Variants in LRP1B observed in about 807,000 individuals in gnomAD.
The protein encoded by LRP1B is LDL receptor related protein 1B.
In LRP1B, 217 loss-of-function variants were observed where a neutral mutation model predicts 556.6. That is an observed-to-expected ratio of 0.39 (90% CI 0.35 to 0.44). The LOEUF (loss-of-function observed/expected upper bound fraction) is 0.44, where lower values mean the gene tolerates loss of function less well. LRP1B is among the 20% of genes least tolerant of loss of function. The probability of loss-of-function intolerance (pLI) is 1.00; values close to 1 mark genes in which losing one functional copy is unlikely to be tolerated. For missense variants in LRP1B, 5,053 were observed against 5,620.8 expected, an observed-to-expected ratio of 0.90 and a Z score of 3.23; for synonymous variants, 2,047 against 1,865.8, an observed-to-expected ratio of 1.10 and a Z score of -2.50.
At chr2:140,723,244 G>A (rs1687478143) in intron 35 of LRP1B, among the ~76,000 whole-genome samples, 1 of 152,036 alleles carries the variant, frequency 6.6e-6, no homozygotes, top group Non-Finnish European at 1.5e-5. Context: ...CCTTTGGTCT[G>A]AGAATCTGGG....
chr2:140,318,184 A>G (rs1684612968), intron 82 of LRP1B, among the ~76,000 whole-genome samples: 1 of 152,154 alleles, frequency 6.6e-6, no homozygotes. Flanking sequence ...AAAAAAAATA[A>G]CTAGCATTTA....
chr2:141,211,577 ATTGCACTCTAGC>A (rs1167578626), intron 6 of LRP1B, among the ~76,000 whole-genome samples: 4 of 152,134 alleles, frequency 2.6e-5, no homozygotes, highest in Admixed American at 2.6e-4. Flanking sequence ...AGATCCGGCC[ATTGCACTCTAGC>A]CTGGGAGACA....
intron 86 of LRP1B, among the ~76,000 whole-genome samples, chr2:140,248,593 T>G (rs1558924522): frequency 6.6e-6 from 1 of 151,618 alleles, no homozygotes; most frequent in Non-Finnish European, 1.5e-5. Flanking sequence ...TTGTCTGTAT[T>G]AATAGAGTTA....
At chr2:141,659,825 A>G (rs1273519064) in intron 2 of LRP1B, among the ~76,000 whole-genome samples, 1 of 152,192 alleles carries the variant, frequency 6.6e-6, no homozygotes, top group African/African-American at 2.4e-5. Flanking sequence ...ACACTATAAC[A>G]AAAATCATAA....
At chr2:140,511,722 G>T (rs745454339) in intron 51 of LRP1B, among the ~76,000 whole-genome samples, 1 of 152,122 alleles carries the variant, frequency 6.6e-6, no homozygotes, top group Non-Finnish European at 1.5e-5. Flanking sequence ...TTATTTAACT[G>T]AGGATCTATT....
intron 15 of LRP1B, among the ~76,000 whole-genome samples, chr2:140,997,908 A>G (rs532052212): frequency 1.3e-5 from 2 of 152,132 alleles, no homozygotes; most frequent in South Asian, 4.1e-4. Context: ...TTCATTACAT[A>G]AAGTGGTCTT....
chr2:141,189,904 C>T (rs1681428875), intron 6 of LRP1B, among the ~76,000 whole-genome samples: 1 of 142,100 alleles, frequency 7.0e-6, no homozygotes, highest in African/African-American at 2.6e-5. Flanking sequence ...CTCTGAAGTT[C>T]CCTTATCTGA....
chr2:140,995,044 G>T (rs985778364), intron 15 of LRP1B, among the ~76,000 whole-genome samples: 3 of 151,968 alleles, frequency 2.0e-5, no homozygotes, highest in African/African-American at 7.2e-5. Context: ...CACATATCAT[G>T]CTGGAGGAAT....
intron 3 of LRP1B, among the ~76,000 whole-genome samples, chr2:141,315,316 GTGGCGCGATCT>G (rs1686987471): frequency 7.9e-6 from 1 of 126,318 alleles, no homozygotes; most frequent in Non-Finnish European, 1.6e-5. Flanking sequence ...GTGGAGTGCA[GTGGCGCGATCT>G]TGGCTCACTG....
At chr2:141,596,330 A>C (rs1687517266) in intron 2 of LRP1B, among the ~76,000 whole-genome samples, 1 of 152,072 alleles carries the variant, frequency 6.6e-6, no homozygotes, top group African/African-American at 2.4e-5. Context: ...CAAAAAAATC[A>C]GAACTTATGA....
chr2:141,744,026 T>C (rs1435763113), intron 2 of LRP1B, among the ~76,000 whole-genome samples: 1 of 152,010 alleles, frequency 6.6e-6, no homozygotes, highest in Non-Finnish European at 1.5e-5. Context: ...TTTCTTTTCT[T>C]CTATTTATTT....
chr2:140,266,521 A>T lies in LRP1B; in HGVS notation c.13247+3721T>A, dbSNP rs16843728. Among the ~76,000 whole-genome samples the T allele has an allele frequency of 6.4e-3, 981 of 152,104 alleles. 10 individuals carry two copies. Among genetic ancestry groups the T allele is most frequent in the African/African-American group, 0.021 (861 of 41,526 alleles). On this transcript the variant is annotated intron_variant, in intron 86 of 90. Transcript: ENST00000389484. ...CTTTCTATAAACCCACTCTTGTGTC[A>T]TGGTATAAAATGTACCTAATAAACT... is the stretch of plus-strand genomic sequence containing the variant.
chr2:140,917,393 A>G (rs1447915418), intron 21 of LRP1B, among the ~76,000 whole-genome samples: 3 of 152,208 alleles, frequency 2.0e-5, no homozygotes, highest in Non-Finnish European at 4.4e-5. Context: ...AAAAGCCTGC[A>G]TGTAGATATT....
chr2:140,970,256 A>G (rs1397534156), intron 18 of LRP1B, among the ~76,000 whole-genome samples: 4 of 151,694 alleles, frequency 2.6e-5, no homozygotes, highest in African/African-American at 9.7e-5. Flanking sequence ...TTCTCTTTTC[A>G]CTTCATTTCA....
intron 32 of LRP1B, among the ~76,000 whole-genome samples, chr2:140,807,195 G>A (rs1476250): frequency 0.89 from 135,107 of 152,186 alleles, 60,314 homozygotes; most frequent in East Asian, 1. Flanking sequence ...AAAAATCCCT[G>A]TAACTGAATA....
At chr2:140,773,684 CAATT>C (rs1689396195) in intron 33 of LRP1B, among the ~76,000 whole-genome samples, 1 of 151,050 alleles carries the variant, frequency 6.6e-6, no homozygotes, top group South Asian at 2.1e-4. Context: ...TATATTTCAA[CAATT>C]AATGTTAAAC....
chr2:140,438,604 T>C (rs2105295305), intron 66 of LRP1B, among the ~76,000 whole-genome samples: 1 of 152,312 alleles, frequency 6.6e-6, no homozygotes, highest in East Asian at 1.9e-4. Flanking sequence ...AGTGTCATGT[T>C]GGGAAAGCCA....
chr2:141,812,114 C>T (rs528511206), intron 1 of LRP1B, among the ~76,000 whole-genome samples: 2 of 152,036 alleles, frequency 1.3e-5, no homozygotes, highest in African/African-American at 4.8e-5. Context: ...CCCCATCAAA[C>T]AGTGGTGTGT....
chr2:141,500,184 C>T (rs1683662223), intron 2 of LRP1B, among the ~76,000 whole-genome samples: 1 of 152,046 alleles, frequency 6.6e-6, no homozygotes, highest in Non-Finnish European at 1.5e-5. Flanking sequence ...TAAAATAACC[C>T]TTGTCTTCCA....
Sources: gnomAD v4.1 joint callset for allele counts (sites outside exome capture counted in the v4.1 genomes callset) on GRCh38, gnomAD v4.1.1 for gene constraint, MANE v1.5 for transcripts, NCBI Gene and HGNC (gene_info 2026-07-23, HGNC 2026-07-21) for gene names.